The following MDN1 variants were observed in gnomAD, a reference collection of about 807,000 sequenced individuals.
MDN1 encodes the protein midasin.
A neutral mutation model predicts 669.2 loss-of-function variants in MDN1; 266 were observed. The observed-to-expected ratio is 0.40, with a 90% confidence interval of 0.36 to 0.44. The LOEUF (loss-of-function observed/expected upper bound fraction) is 0.44, where lower values mean the gene tolerates loss of function less well. Among genes scored for constraint, MDN1 ranks in the 20% least tolerant of loss-of-function variants. MDN1 has a pLI of 1.00. For missense variants in MDN1, 5,940 were observed against 6,754.0 expected (o/e 0.88, Z 4.22); for synonymous variants, 2,385 against 2,457.1 (o/e 0.97, Z 0.87).
intron 50 of MDN1, among the ~76,000 whole-genome samples, 187 bp downstream of exon 50, chr6:89,710,494 C>T (rs1052525318): frequency 6.7e-6 from 1 of 149,554 alleles, no homozygotes. Context: ...CTTAGTAAGA[C>T]CCTGTCCCTT....
At chr6:89,737,414 A>G (rs1038910243) in intron 33 of MDN1, among the ~76,000 whole-genome samples, 2 of 152,168 alleles carry the variant, frequency 1.3e-5, no homozygotes, top group Non-Finnish European at 2.9e-5. Context: ...CTTTAAGAAT[A>G]TAAAAAATGA....
intron 11 of MDN1, among the ~76,000 whole-genome samples, chr6:89,779,073 A>G (rs1217406156): frequency 6.6e-6 from 1 of 151,938 alleles, no homozygotes; most frequent in African/African-American, 2.4e-5. Flanking sequence ...ACCTAATACA[A>G]ATTATAATAC....
intron 97 of MDN1, among the ~76,000 whole-genome samples, chr6:89,649,157 A>ATATC (rs1808684901): frequency 6.6e-6 from 1 of 152,226 alleles, no homozygotes; most frequent in Non-Finnish European, 1.5e-5. Context: ...CTGTAGAACT[A>ATATC]TATCAGAAAA....
intron 90 of MDN1, 90 bp downstream of exon 90, chr6:89,658,119 C>G (rs557816051): frequency 6.7e-7 from 1 of 1,489,698 alleles, no homozygotes. Flanking sequence ...CAAACATAAA[C>G]CAACTAATGC....
chr6:89,646,084 G>T (rs1375476334), intron 100 of MDN1, among the ~76,000 whole-genome samples: 1 of 152,108 alleles, frequency 6.6e-6, no homozygotes, highest in Non-Finnish European at 1.5e-5. Flanking sequence ...GATGGCCCTG[G>T]AGAACCCGCA....
chr6:89,685,451 T>C (rs1811943398), intron 70 of MDN1, among the ~76,000 whole-genome samples: 1 of 152,140 alleles, frequency 6.6e-6, no homozygotes, highest in Non-Finnish European at 1.5e-5. Flanking sequence ...CGGGCAGTTT[T>C]AGATGCAGTT....
In MDN1 at chr6:89,702,394, T is replaced by G. The variant is rs115128501; in HGVS notation, c.8149-333A>C. 3.2e-3 allele frequency among the ~76,000 whole-genome samples: 485 copies of G among 152,380 alleles called. 1 individual carries two copies. The highest frequency in any genetic ancestry group is 0.011 in the African/African-American group (465 of 41,588). ...GTATTCCAAAGCAGCTGTACCATTT[T>G]GTACTCCGACCAGAAGTGTAGAAGA... On this transcript the variant is annotated intron_variant, in intron 53 of 101. Coordinates refer to ENST00000369393, the MANE Select transcript of MDN1 (RefSeq NM_014611.3).
chr6:89,706,020 T>C, intron 53 of MDN1, 39 bp downstream of exon 53: 5 of 1,512,500 alleles, frequency 3.3e-6, no homozygotes, highest in Non-Finnish European at 4.5e-6. Context: ...GAAAGATAAA[T>C]TTTGTTGTTT....
chr6:89,650,662 C>T (rs761551399), intron 96 of MDN1, 70 bp downstream of exon 96: 115 of 1,195,034 alleles, frequency 9.6e-5, no homozygotes, highest in African/African-American at 1.4e-4. Flanking sequence ...TTAGGTGCCG[C>T]GTTCAACAGA....
chr6:89,693,739 A>G (rs1370937145), intron 62 of MDN1, among the ~76,000 whole-genome samples: 1 of 152,168 alleles, frequency 6.6e-6, no homozygotes, highest in Non-Finnish European at 1.5e-5. Context: ...ATTTTGGATA[A>G]GGGATCCCCA....
intron 34 of MDN1, among the ~76,000 whole-genome samples, chr6:89,731,565 C>A (rs1312542170): frequency 6.6e-6 from 1 of 151,670 alleles, no homozygotes; most frequent in African/African-American, 2.4e-5. Context: ...ACAATGAGAA[C>A]ACATGGACAC....
rs761017647 is a variant in MDN1 at position 89,684,939 on chromosome 6, T to C, written c.11766A>G (p.Gln3922=). The C allele has an allele frequency of 4.5e-5, 72 of 1,613,710 alleles. No individual in the cohort carries two copies. The highest frequency in any genetic ancestry group is 6.1e-5 in the Non-Finnish European group (72 of 1,179,760). Residue 3922 remains glutamine, a synonymous_variant, in exon 71 of 102, where the codon CAA becomes CAG. Transcript: ENST00000369393. ...VLWNLYHYYK[Q]FFDRVQAKIV... Reference sequence around the variant, plus strand: ...TTTTGGCCTGGACCCGGTCAAAGAATTGCTTGTAATAATGGTACAAATTCC... The same window carrying C: ...TTTTGGCCTGGACCCGGTCAAAGAACTGCTTGTAATAATGGTACAAATTCC...
intron 32 of MDN1, among the ~76,000 whole-genome samples, chr6:89,739,409 G>A (rs1816169296): frequency 6.6e-6 from 1 of 152,030 alleles, no homozygotes; most frequent in African/African-American, 2.4e-5. Context: ...CCTCTCTTCA[G>A]AGCATATCTT....
intron 15 of MDN1, among the ~76,000 whole-genome samples, chr6:89,765,598 G>C (rs1817770722): frequency 6.6e-6 from 1 of 152,152 alleles, no homozygotes; most frequent in South Asian, 2.1e-4. Flanking sequence ...ACATGCATGA[G>C]CCACTGCTCC....
rs781696026 is a variant in MDN1, at chr6:89,664,472, C to A, written c.14236+15G>T. The A allele has an allele frequency of 1.1e-5, 18 of 1,612,082 alleles. No individual in the cohort carries two copies. The highest frequency in any genetic ancestry group is 1.4e-5 in the Non-Finnish European group (16 of 1,179,534). Reference sequence around the variant, plus strand: ...GCTTTCAAAAACAAGAATGAAGTGACAGATAATCTGAAACCTTGTTCTTCA... The same window carrying A: ...GCTTTCAAAAACAAGAATGAAGTGAAAGATAATCTGAAACCTTGTTCTTCA... On this transcript the variant is annotated intron_variant, in intron 85 of 101. Transcript: ENST00000369393.
chr6:89,656,942 T>G, intron 90 of MDN1, 141 bp from the exon 91 acceptor site: 1 of 688,284 alleles, frequency 1.5e-6, no homozygotes. Context: ...CTGCCTGCCC[T>G]GGAACTCACC....
At chr6:89,690,602 A>G (rs1398187327) in intron 64 of MDN1, 71 bp downstream of exon 64, 14 of 1,536,280 alleles carry the variant, frequency 9.1e-6, no homozygotes, top group Non-Finnish European at 1.2e-5. Context: ...GAAGAGAGAA[A>G]GCCATCAGAG....
At chr6:89,796,249 G>C (rs1392910043) in intron 2 of MDN1, among the ~76,000 whole-genome samples, 4 of 135,064 alleles carry the variant, frequency 3.0e-5, no homozygotes, top group Non-Finnish European at 6.1e-5. Flanking sequence ...ACTTGAGCCC[G>C]AGACACGGAG....
At chr6:89,801,372 G>T (rs1404490457) in intron 2 of MDN1, among the ~76,000 whole-genome samples, 1 of 152,068 alleles carries the variant, frequency 6.6e-6, no homozygotes, top group African/African-American at 2.4e-5. Context: ...CAAAAGTTAG[G>T]CCAGGCGCAG....
Sources: gnomAD v4.1 joint callset for allele counts (sites outside exome capture counted in the v4.1 genomes callset) on GRCh38, gnomAD v4.1.1 for gene constraint, MANE v1.5 for transcripts, NCBI Gene and HGNC (gene_info 2026-07-23, HGNC 2026-07-21) for gene names.